The following ZNF211 variants were observed in gnomAD, a reference collection of about 807,000 sequenced individuals.
ZNF211 encodes zinc finger protein 211, also known as zinc finger protein C2H2-25.
A neutral mutation model predicts 12.1 loss-of-function variants in ZNF211; 18 were observed. The ratio of observed to expected loss-of-function variants is 1.48; its 90% CI spans 1.03 to 2.20. The LOEUF is 2.20. Ranked by LOEUF, ZNF211 falls within the 30% of genes most tolerant of loss-of-function variation. The probability of loss-of-function intolerance (pLI) is 0.00; values close to 1 mark genes in which losing one functional copy is unlikely to be tolerated. For missense variants in ZNF211, 677 were observed against 703.1 expected (o/e 0.96, Z 0.42); for synonymous variants, 249 against 246.0 (o/e 1.01, Z -0.11).
chr19:57,633,697 C>A (rs1182039864), intron 1 of ZNF211: 1 of 1,533,828 alleles, frequency 6.5e-7, no homozygotes. Context: ...TGAGAGAGAT[C>A]TACCTTTATT....
chr19:57,639,386 C>CTTATTT (rs149808523), intron 3 of ZNF211, among the ~76,000 whole-genome samples: 2 of 74,414 alleles, frequency 2.7e-5, no homozygotes, highest in African/African-American at 5.8e-5. Flanking sequence ...AGTGAAACTT[C>CTTATTT]CCTTGTCATT....
At chr19:57,633,688 G>C in intron 1 of ZNF211, 15 of 1,534,120 alleles carry the variant, frequency 9.8e-6, no homozygotes, top group Non-Finnish European at 1.3e-5. Context: ...AACAAAGTTT[G>C]AGAGAGATCT....
rs761373117 is a variant in ZNF211, at chr19:57,640,856, C to T, written c.409C>T (p.His137Tyr). The T allele has an allele frequency of 6.2e-7, 1 of 1,614,218 alleles. No individual in the cohort carries two copies. Among genetic ancestry groups the T allele is most frequent in the African/African-American group, 1.3e-5 (1 of 75,060 alleles). ...TTGCCTGGTCTTGAGAGATATTTTG[C>T]ACTTGGCTGAACACCAAGGAACAAA... ...ICCLVLRDIL[H>Y]LAEHQGTNCG... is the part of the protein sequence containing the mutation. The change falls in exon 4 of 4, where the codon CAC becomes TAC. Residue 137 changes from histidine (H) to tyrosine (Y), a missense_variant. Physicochemically the swap from His to Tyr is moderately conservative, Grantham distance 83. Coordinates refer to ENST00000240731, the MANE Select transcript of ZNF211 (RefSeq NM_006385.5).
rs1981622170 is a variant in ZNF211 at position 57,633,176 on chromosome 19, A to T, written c.-171A>T. 1 of 584,836 alleles carries T rather than the reference A, an allele frequency of 1.7e-6. No homozygotes were observed. The highest frequency in any genetic ancestry group is 2.9e-6 in the Non-Finnish European group (1 of 350,752). The allele number at this position is 584,836 out of a possible 1,614,324, so 36.2% of individuals were successfully genotyped here. A position where few individuals can be genotyped will look rare whatever the true frequency, so the allele number is the denominator to read the frequency against. ...CTACCCCCGCCCCCCCCAGGGCGGG[A>T]CTTGTGGCGTCTTCGCAGCGGTCAT... On this transcript the variant is annotated 5_prime_UTR_variant, in exon 1 of 4. Transcript: ENST00000240731.
chr19:57,633,407 A>C lies in ZNF211; in HGVS notation c.61A>C (p.Met21Leu). ...GGTCCAGCTCCGCCCACAGACTCGG[A>C]TGGCGACCGCACTGAGGGACCCGGC... Reference protein sequence around the residue: ...LPVQLRPQTRMATALRDPASV... With the variant: ...LPVQLRPQTRLATALRDPASV... The change falls in exon 1 of 4, where the codon ATG becomes CTG. Residue 21 changes from methionine (M) to leucine (L), a missense_variant. Coordinates refer to ENST00000240731, the MANE Select transcript of ZNF211 (RefSeq NM_006385.5). 6.2e-7 allele frequency: 1 copy of C among 1,604,162 alleles called. No individual in the cohort carries two copies. The highest frequency in any genetic ancestry group is 8.5e-7 in the Non-Finnish European group (1 of 1,178,682).
rs994187953 is a variant in ZNF211 at position 57,642,689 on chromosome 19, C to T, written c.*508C>T. 1.3e-5 allele frequency: 2 copies of T among 153,670 alleles called. No homozygotes were observed. The highest frequency in any genetic ancestry group is 2.9e-5 in the Non-Finnish European group (2 of 69,146). 9.5% of individuals were successfully genotyped at this position (153,670 alleles called of 1,614,324 possible). On this transcript the variant is annotated 3_prime_UTR_variant, in exon 4 of 4. Coordinates refer to ENST00000240731, the MANE Select transcript of ZNF211 (RefSeq NM_006385.5). ...ACACCTCCATGGATTTTTTTCCAGC[C>T]TCTAAGTCACCAACTTGGGAACTGC... is the stretch of plus-strand genomic sequence containing the variant.
At chr19:57,637,673 A>G (rs578145782) in intron 3 of ZNF211, among the ~76,000 whole-genome samples, 2 of 152,198 alleles carry the variant, frequency 1.3e-5, no homozygotes, top group South Asian at 4.1e-4. Flanking sequence ...TGGTTTTTGC[A>G]TTAATAATCA....
intron 3 of ZNF211, among the ~76,000 whole-genome samples, chr19:57,635,866 T>G (rs749858738): frequency 2.0e-5 from 3 of 152,228 alleles, no homozygotes; most frequent in Non-Finnish European, 2.9e-5. Flanking sequence ...TGACAAAGGT[T>G]CCAGTTTCTT....
chr19:57,639,756 A>ATC (rs1982636841), intron 3 of ZNF211, among the ~76,000 whole-genome samples: 1 of 151,940 alleles, frequency 6.6e-6, no homozygotes, highest in East Asian at 1.9e-4. Context: ...TCTTTTTTTA[A>ATC]AATAGTTACC....
In ZNF211 at chr19:57,640,745, C is replaced by G. The variant is rs372972811; in HGVS notation, c.298C>G (p.Gln100Glu). Reference sequence around the variant, plus strand: ...GGAACATGAGGAAACACCTTCTGAACAGAGAATTTCTGGAGAAAGAGTGCC... The same window carrying G: ...GGAACATGAGGAAACACCTTCTGAAGAGAGAATTTCTGGAGAAAGAGTGCC... ...GVEHEETPSE[Q>E]RISGERVPQF... Residue 100 changes from glutamine (Q) to glutamate (E), a missense_variant, in exon 4 of 4, where the codon CAG (glutamine) becomes GAG (glutamate). Transcript: ENST00000240731. The G allele has an allele frequency of 8.7e-5, 141 of 1,614,082 alleles. No homozygotes were observed. The highest frequency in any genetic ancestry group is 1.1e-4 in the Non-Finnish European group (130 of 1,180,032).
Position 57,642,171 on chromosome 19 carries a change from A to G in ZNF211, c.1724A>G (p.Glu575Gly). Residue 575 changes from glutamate (E) to glycine (G), a missense_variant, in exon 4 of 4, where the codon GAA becomes GGA. Glu to Gly is a moderately conservative substitution (Grantham distance 98). Transcript: ENST00000240731. Reference sequence around the variant, plus strand: ...CAACACCAGAGAGTTCACATTGGAGAAAAGCCTTAGCTGTACTGAGAATAT... The same window carrying G: ...CAACACCAGAGAGTTCACATTGGAGGAAAGCCTTAGCTGTACTGAGAATAT... ...LIQHQRVHIGEKP is the reference protein window; with the variant it reads ...LIQHQRVHIGGKP 6.2e-7 allele frequency: 1 copy of G among 1,606,130 alleles called. No individual in the cohort carries two copies. The highest frequency in any genetic ancestry group is 8.5e-7 in the Non-Finnish European group (1 of 1,174,914).
intron 3 of ZNF211, among the ~76,000 whole-genome samples, chr19:57,636,803 T>C (rs1174623670): frequency 6.6e-6 from 1 of 152,196 alleles, no homozygotes; most frequent in African/African-American, 2.4e-5. Flanking sequence ...TTGGCTAGTA[T>C]AGACATCTTA....
intron 3 of ZNF211, among the ~76,000 whole-genome samples, chr19:57,635,899 A>G (rs1188596634): frequency 6.6e-6 from 1 of 151,962 alleles, no homozygotes; most frequent in Non-Finnish European, 1.5e-5. Flanking sequence ...ATCACTTGTT[A>G]TTTTCTGATT....
intron 2 of ZNF211, 87 bp downstream of exon 2, chr19:57,634,148 A>G (rs1216332439): frequency 7.1e-7 from 1 of 1,406,018 alleles, no homozygotes; most frequent in Admixed American, 2.4e-5. Flanking sequence ...TTGTGGTGTC[A>G]TGGGACTCAC....
intron 3 of ZNF211, among the ~76,000 whole-genome samples, chr19:57,637,814 A>G (rs1251010439): frequency 6.6e-6 from 1 of 151,852 alleles, no homozygotes; most frequent in Non-Finnish European, 1.5e-5. Context: ...TTTGAAAAGG[A>G]TAAGTATTAG....
At chr19:57,635,001 C>A in intron 3 of ZNF211, 1 of 979,482 alleles carries the variant, frequency 1.0e-6, no homozygotes, top group South Asian at 4.7e-5. Context: ...CTTGCCTTCT[C>A]CCTGTCTGGT....
chr19:57,633,529 G>A lies in ZNF211; in HGVS notation c.90+93G>A, dbSNP rs377630462. ...CACGTCTCTGTAGCACAGGGTCGGG[G>A]ACACTGAGGCTCGTGGGTGGGGCCC... On this transcript the variant is annotated intron_variant, in intron 1 of 3. Transcript: ENST00000240731. The A allele has an allele frequency of 7.3e-6, 11 of 1,500,140 alleles. No homozygotes were observed. The East Asian group carries it at 2.4e-4, about 33-fold the overall frequency. The allele number at this position is 1,500,140 out of a possible 1,614,324, so 92.9% of individuals were successfully genotyped here.
chr19:57,633,711 A>G (rs1419143788), intron 1 of ZNF211: 1 of 1,533,436 alleles, frequency 6.5e-7, no homozygotes. Context: ...CTTTATTCTT[A>G]GGGCCGTGGG....
In ZNF211 at chr19:57,633,290, G is replaced by C. The variant is rs902612642; in HGVS notation, c.-57G>C. 1 of 1,439,036 alleles carries C rather than the reference G, an allele frequency of 6.9e-7. No individual in the cohort carries two copies. The highest frequency in any genetic ancestry group is 9.2e-7 in the Non-Finnish European group (1 of 1,082,286). 89.1% of individuals were successfully genotyped at this position (1,439,036 alleles called of 1,614,324 possible). ...GAAGTGACGGACCGTGAAGGCGCGA[G>C]AGTCAGGTCTGAGGGTCGGGGGCAG... On this transcript the variant is annotated 5_prime_UTR_variant, in exon 1 of 4. Transcript: ENST00000240731.
Sources: allele counts gnomAD v4.1 joint callset (sites outside exome capture counted in the v4.1 genomes callset), GRCh38; gene constraint gnomAD v4.1.1; transcripts MANE v1.5; gene names NCBI Gene and HGNC (gene_info 2026-07-23, HGNC 2026-07-21).